The following PTPRQ variants were observed in gnomAD, a reference collection of about 807,000 sequenced individuals.
The protein encoded by PTPRQ is phosphatidylinositol phosphatase PTPRQ.
A neutral mutation model predicts 246.0 loss-of-function variants in PTPRQ; 199 were observed. That is an observed-to-expected ratio of 0.81 (90% CI 0.72 to 0.91). The LOEUF (loss-of-function observed/expected upper bound fraction) is 0.91. PTPRQ is among the 40% of genes least tolerant of loss of function. The pLI, the probability that PTPRQ is intolerant of heterozygous loss-of-function variation, is 0.00. For missense variants in PTPRQ, 2,624 were observed against 2,528.4 expected (o/e 1.04, Z -0.81); for synonymous variants, 869 against 853.2 (o/e 1.02, Z -0.32).
chr12:80,489,214 G>A (rs557831731), intron 9 of PTPRQ, among the ~76,000 whole-genome samples: 18 of 152,000 alleles, frequency 1.2e-4, no homozygotes, highest in Admixed American at 5.3e-4. Flanking sequence ...TCATCAGTTC[G>A]TCCTAAGTCT....
intron 39 of PTPRQ, among the ~76,000 whole-genome samples, chr12:80,665,910 T>C (rs908025887): frequency 1.3e-5 from 2 of 151,902 alleles, no homozygotes; most frequent in Non-Finnish European, 2.9e-5. Context: ...CTCTCCCCAT[T>C]TAGAATGGTT....
intron 35 of PTPRQ, among the ~76,000 whole-genome samples, chr12:80,636,186 T>A (rs904351902): frequency 6.6e-6 from 1 of 152,218 alleles, no homozygotes; most frequent in Admixed American, 6.5e-5. Context: ...CAGATGTTGA[T>A]CTTTGTGTTC....
intron 9 of PTPRQ, among the ~76,000 whole-genome samples, chr12:80,489,387 G>A (rs1894375730): frequency 6.6e-6 from 1 of 151,826 alleles, no homozygotes; most frequent in South Asian, 2.1e-4. Flanking sequence ...GGACAATAAA[G>A]CAAGATCACA....
intron 4 of PTPRQ, 29 bp downstream of exon 4, chr12:80,457,673 G>C (rs11114457): frequency 5.0e-6 from 2 of 399,576 alleles, no homozygotes; most frequent in Non-Finnish European, 8.9e-6. Flanking sequence ...ATTTTAAATT[G>C]ACTTAGTCAT....
chr12:80,659,339 T>A (rs1224299397), intron 39 of PTPRQ, among the ~76,000 whole-genome samples: 1 of 152,060 alleles, frequency 6.6e-6, no homozygotes, highest in Non-Finnish European at 1.5e-5. Context: ...TACAGCATGT[T>A]AAAGTTTTAC....
At chr12:80,480,113 A>G (rs1002985554) in intron 8 of PTPRQ, among the ~76,000 whole-genome samples, 34 of 152,184 alleles carry the variant, frequency 2.2e-4, no homozygotes, top group Non-Finnish European at 4.6e-4. Flanking sequence ...AATTGACTAC[A>G]TACTTGGAAG....
intron 35 of PTPRQ, among the ~76,000 whole-genome samples, chr12:80,636,782 C>T (rs1027292706): frequency 2.0e-5 from 3 of 152,056 alleles, no homozygotes; most frequent in African/African-American, 2.4e-5. Context: ...AATGTAATAA[C>T]GTGAAAAAGC....
At chr12:80,564,687 A>T (rs985133981) in intron 25 of PTPRQ, among the ~76,000 whole-genome samples, 1 of 152,236 alleles carries the variant, frequency 6.6e-6, no homozygotes. Flanking sequence ...TTCATTTTGC[A>T]GACATAGGAA....
At chr12:80,632,330 G>T in intron 34 of PTPRQ, 39 bp downstream of exon 34, 2 of 1,550,442 alleles carry the variant, frequency 1.3e-6, no homozygotes, top group African/African-American at 1.4e-5. Context: ...GATGCTTTAT[G>T]GGCATTATAT....
intron 35 of PTPRQ, among the ~76,000 whole-genome samples, chr12:80,646,446 C>T (rs1284971409): frequency 2.6e-5 from 4 of 151,994 alleles, no homozygotes; most frequent in East Asian, 1.9e-4. Flanking sequence ...TATCTTTAGG[C>T]GGACATCATG....
chr12:80,528,032 A>G (rs562825803), intron 17 of PTPRQ, among the ~76,000 whole-genome samples: 1 of 152,156 alleles, frequency 6.6e-6, no homozygotes. Context: ...TCGACGCTGC[A>G]GTGAGTTGTG....
chr12:80,617,214 G>A (rs1554841), intron 30 of PTPRQ, among the ~76,000 whole-genome samples: 52,187 of 150,466 alleles, frequency 0.35, 9,604 homozygotes, highest in African/African-American at 0.47. Flanking sequence ...AGATAATACT[G>A]GTTCCTATCT....
At chr12:80,582,674 T>G (rs1747194443) in intron 25 of PTPRQ, among the ~76,000 whole-genome samples, 1 of 152,126 alleles carries the variant, frequency 6.6e-6, no homozygotes, top group African/African-American at 2.4e-5. Context: ...ATTTCTGTTG[T>G]TTGTAAATCA....
At chr12:80,525,028 C>T (rs2120771753) in intron 17 of PTPRQ, among the ~76,000 whole-genome samples, 1 of 152,262 alleles carries the variant, frequency 6.6e-6, no homozygotes, top group East Asian at 1.9e-4. Flanking sequence ...TGGGATATTT[C>T]TACCAAAAAA....
intron 6 of PTPRQ, among the ~76,000 whole-genome samples, chr12:80,461,332 A>G (rs1367404348): frequency 6.6e-6 from 1 of 152,196 alleles, no homozygotes; most frequent in Non-Finnish European, 1.5e-5. Flanking sequence ...TAGCTAAAAT[A>G]TATACCTACT....
At chr12:80,471,484 T>TTTTTTTG (rs1565727718) in intron 7 of PTPRQ, among the ~76,000 whole-genome samples, 2 of 40,216 alleles carry the variant, frequency 5.0e-5, no homozygotes, top group Middle Eastern at 0.011. Context: ...ATTTTTTTTT[T>TTTTTTTG]TTTTTTTATT....
At chr12:80,483,457 C>G (rs975036083) in intron 8 of PTPRQ, among the ~76,000 whole-genome samples, 2 of 148,970 alleles carry the variant, frequency 1.3e-5, no homozygotes, top group African/African-American at 5.0e-5. Flanking sequence ...AGCGCACCAG[C>G]GTGGCACATG....
chr12:80,588,797 T>C (rs1279570609), intron 26 of PTPRQ, among the ~76,000 whole-genome samples: 1 of 152,202 alleles, frequency 6.6e-6, no homozygotes, highest in African/African-American at 2.4e-5. Context: ...TTTTCCTTCA[T>C]ATTTAGAGGT....
In PTPRQ at chr12:80,444,834, A is replaced by G; in HGVS notation, c.148A>G (p.Thr50Ala). The G allele has an allele frequency of 6.6e-7, 1 of 1,522,936 alleles. No individual in the cohort carries two copies. The highest frequency in any genetic ancestry group is 8.9e-7 in the Non-Finnish European group (1 of 1,127,276). The allele number at this position is 1,522,936 out of a possible 1,614,324, so 94.3% of individuals were successfully genotyped here. Residue 50 changes from threonine (T) to alanine (A), a missense_variant, in exon 2 of 45, where the codon ACA becomes GCA. By Grantham distance (58) the Thr-to-Ala change is moderately conservative. Coordinates refer to ENST00000644991, the MANE Select transcript of PTPRQ (RefSeq NM_001145026.2). ...TYTSPVTRIVTTNVTKPGPPV... is the reference protein window; with the variant it reads ...TYTSPVTRIVATNVTKPGPPV... ...CACCTCACCTGTTACTAGAATAGTG[A>G]CAACAAATGTAACAAGTGAGTATAT...
Sources: allele counts gnomAD v4.1 joint callset (sites outside exome capture counted in the v4.1 genomes callset), GRCh38; gene constraint gnomAD v4.1.1; transcripts MANE v1.5; gene names NCBI Gene and HGNC (gene_info 2026-07-23, HGNC 2026-07-21).